The following CADM1 variants were observed in gnomAD, a reference collection of about 807,000 sequenced individuals.
CADM1 encodes the protein cell adhesion molecule 1, also known as TSLC-1.
In CADM1, 15 loss-of-function variants were observed where a neutral mutation model predicts 53.1. That is an observed-to-expected ratio of 0.28 (90% CI 0.19 to 0.44). The LOEUF (loss-of-function observed/expected upper bound fraction) is 0.44, where lower values mean the gene tolerates loss of function less well. Ranked by LOEUF, CADM1 falls within the 20% of genes least tolerant of loss-of-function variation. CADM1 has a pLI of 1.00. For synonymous variants in CADM1, 281 were observed against 243.0 expected (o/e 1.16, Z -1.45); for missense variants, 434 against 611.3 (o/e 0.71, Z 3.06).
intron 1 of CADM1, among the ~76,000 whole-genome samples, chr11:115,316,224 T>C (rs1944663547): frequency 6.6e-6 from 1 of 152,180 alleles, no homozygotes; most frequent in East Asian, 1.9e-4. Flanking sequence ...GGGTCAGCAA[T>C]TACCTTGCAT....
intron 4 of CADM1, 41 bp from the exon 5 acceptor site, chr11:115,229,312 A>C (rs1468566062): frequency 1.2e-6 from 2 of 1,605,302 alleles, no homozygotes; most frequent in Non-Finnish European, 1.7e-6. Flanking sequence ...GAGTTGGGTG[A>C]ATTTCCATCA....
intron 1 of CADM1, among the ~76,000 whole-genome samples, chr11:115,499,973 A>G (rs1379120126): frequency 1.3e-5 from 2 of 152,192 alleles, no homozygotes; most frequent in Non-Finnish European, 2.9e-5. Flanking sequence ...TTGTATCACT[A>G]CTTATACATA....
At chr11:115,255,628 T>C (rs1942760302) in intron 1 of CADM1, among the ~76,000 whole-genome samples, 1 of 152,214 alleles carries the variant, frequency 6.6e-6, no homozygotes, top group Non-Finnish European at 1.5e-5. Flanking sequence ...ATAACTTGTT[T>C]TGAGGAAACT....
chr11:115,466,766 T>C (rs1297036718), intron 1 of CADM1, among the ~76,000 whole-genome samples: 1 of 152,214 alleles, frequency 6.6e-6, no homozygotes, highest in East Asian at 1.9e-4. Context: ...TTTGTCATGC[T>C]TCATAAGGAT....
At chr11:115,334,724 A>G (rs1945221478) in intron 1 of CADM1, among the ~76,000 whole-genome samples, 1 of 152,132 alleles carries the variant, frequency 6.6e-6, no homozygotes, top group Non-Finnish European at 1.5e-5. Context: ...TGCCACCAGA[A>G]TATCACCACA....
At chr11:115,221,289 G>C (rs898997334) in intron 5 of CADM1, among the ~76,000 whole-genome samples, 3 of 152,160 alleles carry the variant, frequency 2.0e-5, no homozygotes, top group African/African-American at 7.2e-5. Context: ...ATTAGGTCGA[G>C]GGATCTGAGG....
intron 1 of CADM1, among the ~76,000 whole-genome samples, chr11:115,449,631 T>C (rs1385706342): frequency 6.6e-6 from 1 of 152,226 alleles, no homozygotes. Context: ...TGTCAGTTTT[T>C]CAAATTTGCA....
chr11:115,231,322 C>T, intron 4 of CADM1, 31 bp downstream of exon 4: 1 of 1,613,182 alleles, frequency 6.2e-7, no homozygotes, highest in Non-Finnish European at 8.5e-7. Context: ...AATCAGCTAA[C>T]TACTTCAGTG....
chr11:115,502,931 G>T (rs1949761482), intron 1 of CADM1, among the ~76,000 whole-genome samples: 1 of 152,170 alleles, frequency 6.6e-6, no homozygotes, highest in African/African-American at 2.4e-5. Context: ...GCAGGTGGGG[G>T]CTGAGCTCTC....
chr11:115,393,776 G>GA (rs1244140026), intron 1 of CADM1, among the ~76,000 whole-genome samples: 3 of 151,888 alleles, frequency 2.0e-5, no homozygotes, highest in Non-Finnish European at 4.4e-5. Context: ...GAACAAACCT[G>GA]AAAAAAATGA....
chr11:115,279,204 T>C (rs1377202986), intron 1 of CADM1, among the ~76,000 whole-genome samples: 2 of 152,136 alleles, frequency 1.3e-5, no homozygotes, highest in East Asian at 1.9e-4. Context: ...GTCAGAAAAC[T>C]AGACTCATTA....
intron 1 of CADM1, among the ~76,000 whole-genome samples, chr11:115,433,219 A>G (rs775443851): frequency 2.0e-5 from 3 of 152,170 alleles, no homozygotes; most frequent in Non-Finnish European, 4.4e-5. Flanking sequence ...AAAGCCATGC[A>G]GATAATATTT....
intron 1 of CADM1, among the ~76,000 whole-genome samples, chr11:115,496,851 G>A (rs935742554): frequency 6.6e-6 from 1 of 152,150 alleles, no homozygotes; most frequent in Non-Finnish European, 1.5e-5. Flanking sequence ...GGATGTCAAT[G>A]GTGTCATTGG....
chr11:115,271,504 G>C (rs546896715), intron 1 of CADM1, among the ~76,000 whole-genome samples: 134 of 152,236 alleles, frequency 8.8e-4, no homozygotes, highest in African/African-American at 3.0e-3. Flanking sequence ...GGATGGTCTC[G>C]ATCTCCCGAC....
intron 1 of CADM1, among the ~76,000 whole-genome samples, chr11:115,461,045 GCATTCATT>G (rs1272249334): frequency 6.6e-6 from 1 of 151,962 alleles, no homozygotes; most frequent in Non-Finnish European, 1.5e-5. Flanking sequence ...TTCAGTGTAG[GCATTCATT>G]CATTCAATAC....
chr11:115,321,545 G>A (rs1307778989), intron 1 of CADM1, among the ~76,000 whole-genome samples: 3 of 152,080 alleles, frequency 2.0e-5, no homozygotes, highest in Non-Finnish European at 2.9e-5. Context: ...AAGAATACTA[G>A]GGTAATAAAA....
intron 11 of CADM1, 120 bp from the exon 12 acceptor site, chr11:115,176,712 G>C (rs532033747): frequency 1.2e-6 from 1 of 846,696 alleles, no homozygotes; most frequent in South Asian, 1.3e-5. Context: ...CAGCAGAGGG[G>C]AAAAAACAAT....
chr11:115,376,651 A>T (rs1234496411), intron 1 of CADM1, among the ~76,000 whole-genome samples: 1 of 152,240 alleles, frequency 6.6e-6, no homozygotes, highest in African/African-American at 2.4e-5. Context: ...ATTATTCAAT[A>T]GTCATAAACC....
chr11:115,412,313 A>C (rs1947477958), intron 1 of CADM1, among the ~76,000 whole-genome samples: 1 of 151,808 alleles, frequency 6.6e-6, no homozygotes, highest in South Asian at 2.1e-4. Flanking sequence ...TTCCACCTCA[A>C]CCTCCCAAGT....
Sources: gnomAD v4.1 joint callset for allele counts (sites outside exome capture counted in the v4.1 genomes callset) on GRCh38, gnomAD v4.1.1 for gene constraint, MANE v1.5 for transcripts, NCBI Gene and HGNC (gene_info 2026-07-23, HGNC 2026-07-21) for gene names.